The following NLN variants were observed in gnomAD, a reference collection of about 807,000 sequenced individuals.
The protein encoded by NLN is neurolysin, mitochondrial.
Under a neutral mutation model 79.9 loss-of-function variants are expected in NLN, and 64 were observed. The ratio of observed to expected loss-of-function variants is 0.80; its 90% CI spans 0.65 to 0.99. The LOEUF (loss-of-function observed/expected upper bound fraction) is 0.99, where lower values mean the gene tolerates loss of function less well. Among genes scored for constraint, NLN ranks in the 50% least tolerant of loss-of-function variants. NLN has a pLI of 0.00. For missense variants in NLN, 835 were observed against 858.7 expected, an observed-to-expected ratio of 0.97 and a Z score of 0.34; for synonymous variants, 267 against 296.6, an observed-to-expected ratio of 0.90 and a Z score of 1.02.
rs1446057687 is a variant in NLN at position 65,811,686 on chromosome 5, G to A, written c.1844-569G>A. Among the ~76,000 whole-genome samples the A allele has an allele frequency of 2.6e-5, 4 of 152,046 alleles. No individual in the cohort carries two copies. The East Asian group carries it at 7.7e-4, about 29-fold the overall frequency. On this transcript the variant is annotated intron_variant, in intron 11 of 12. Transcript: ENST00000380985. ...AAAAATATGAAAATTAGCCGGCGTG[G>A]TGGCATGCACCTGTAATCCGAGCTA...
chr5:65,745,946 G>T (rs577725215), intron 1 of NLN, among the ~76,000 whole-genome samples: 23 of 152,300 alleles, frequency 1.5e-4, no homozygotes, highest in African/African-American at 5.5e-4. Context: ...GACAGTTTTG[G>T]TTCTGGGGGC....
At position 65,788,205 on chromosome 5, in the gene NLN, G is replaced by T; in HGVS notation, c.1046G>T (p.Gly349Val). The T allele has an allele frequency of 6.2e-7, 1 of 1,614,074 alleles. No homozygotes were observed. Among genetic ancestry groups the T allele is most frequent in the Non-Finnish European group, 8.5e-7 (1 of 1,179,940 alleles). The change falls in exon 8 of 13, where the codon GGT (glycine) becomes GTT (valine). Residue 349 changes from glycine to valine, a missense_variant. Gly to Val is a moderately radical substitution (Grantham distance 109, BLOSUM62 -3). Coordinates refer to ENST00000380985, the MANE Select transcript of NLN (RefSeq NM_020726.5). ...AAGAAAAAGGAATGCAAAGACAGGG[G>T]TTTTGAATATGATGGGAAAATCAAT... ...NLKKKECKDR[G>V]FEYDGKINAW...
chr5:65,788,007 C>G (rs933948658), intron 7 of NLN, 111 bp from the exon 8 acceptor site: 1 of 1,015,868 alleles, frequency 9.8e-7, no homozygotes, highest in African/African-American at 1.6e-5. Flanking sequence ...CCTTATTTAT[C>G]TGTATTGAGT....
rs73101505 is a variant in NLN at position 65,779,704 on chromosome 5, A to G, written c.559-475A>G. 9.5e-3 allele frequency among the ~76,000 whole-genome samples: 1,449 copies of G among 152,282 alleles called. 28 individuals are homozygous for G. The highest frequency in any genetic ancestry group is 0.033 in the African/African-American group (1,390 of 41,562). The stretch of plus-strand genomic sequence containing the variant: ...TGTGTTTACTGTACCTCCTAAATTT[A>G]TTCTTCAAATTCACAACTAATTTCC... On this transcript the variant is annotated intron_variant, in intron 4 of 12. Transcript: ENST00000380985.
chr5:65,814,125 T>C (rs1263718839), intron 12 of NLN, among the ~76,000 whole-genome samples: 1 of 152,196 alleles, frequency 6.6e-6, no homozygotes, highest in Non-Finnish European at 1.5e-5. Flanking sequence ...CTCTGTTCTT[T>C]TCACAGCCTA....
intron 1 of NLN, among the ~76,000 whole-genome samples, chr5:65,749,728 C>T (rs1010342361): frequency 2.0e-5 from 3 of 152,192 alleles, no homozygotes; most frequent in Admixed American, 6.5e-5. Flanking sequence ...ACTTTTGTGA[C>T]TTCTATCTTA....
intron 3 of NLN, among the ~76,000 whole-genome samples, chr5:65,766,954 G>T (rs1759464851): frequency 6.6e-6 from 1 of 152,248 alleles, no homozygotes; most frequent in African/African-American, 2.4e-5. Context: ...TCCAAGGGGT[G>T]GGCCCCCATG....
intron 3 of NLN, among the ~76,000 whole-genome samples, chr5:65,769,697 A>G (rs1347295235): frequency 6.6e-6 from 1 of 152,216 alleles, no homozygotes; most frequent in Non-Finnish European, 1.5e-5. Context: ...AATATGACTC[A>G]TATAACCTTG....
chr5:65,825,580 CTAGA>C lies in NLN; in HGVS notation c.*2668_*2671del, dbSNP rs1329969542. On this transcript the variant is annotated 3_prime_UTR_variant, in exon 13 of 13. Coordinates refer to ENST00000380985, the MANE Select transcript of NLN (RefSeq NM_020726.5). ...CTCTAGTATAAATGTTGCATGTTAC[CTAGA>C]TAAACAACTAAAAATTGCCTTGAGT... 6.6e-6 allele frequency: 1 copy of C among 152,104 alleles called. No individual in the cohort carries two copies. The highest frequency in any genetic ancestry group is 1.5e-5 in the Non-Finnish European group (1 of 68,034). 9.4% of individuals were successfully genotyped at this position (152,104 alleles called of 1,614,324 possible).
At chr5:65,738,042 C>T (rs1005626497) in intron 1 of NLN, among the ~76,000 whole-genome samples, 7 of 151,428 alleles carry the variant, frequency 4.6e-5, no homozygotes, top group Admixed American at 2.0e-4. Context: ...GTAGGAGGAT[C>T]GCTTGCACCT....
At chr5:65,810,239 G>A (rs1041432086) in intron 11 of NLN, 74 bp downstream of exon 11, 2 of 1,317,758 alleles carry the variant, frequency 1.5e-6, no homozygotes, top group Admixed American at 3.7e-5. Context: ...CAGGGGAGAT[G>A]GAGTTTGTCA....
In NLN at chr5:65,726,073, C is replaced by T. The variant is rs557341177; in HGVS notation, c.41+3659C>T. Among the ~76,000 whole-genome samples the T allele has an allele frequency of 2.2e-4, 33 of 148,964 alleles. No individual in the cohort carries two copies. The South Asian group carries it at 6.5e-3, about 29-fold the overall frequency. The stretch of plus-strand genomic sequence containing the variant: ...TTTGCAGTGCGCCGAGATTGTGCCA[C>T]TGCACTCCAGCCTGGGCGACAGAGC... On this transcript the variant is annotated intron_variant, in intron 1 of 12. Coordinates refer to ENST00000380985, the MANE Select transcript of NLN (RefSeq NM_020726.5).
rs1303317353 is a variant in NLN at position 65,825,551 on chromosome 5, C to G, written c.*2636C>G. 5.9e-5 allele frequency: 9 copies of G among 152,078 alleles called. No homozygotes were observed. Among genetic ancestry groups the G allele is most frequent in the Admixed American group, 5.9e-4 (9 of 15,248 alleles). The allele number at this position is 152,078 out of a possible 1,614,324, so 9.4% of individuals were successfully genotyped here. On this transcript the variant is annotated 3_prime_UTR_variant, in exon 13 of 13. Transcript: ENST00000380985. ...TTTTGCCACCTGATGTAGACTTTGTCCCCCTCTAGTATAAATGTTGCATGT... is the reference window on the plus strand; with the variant it reads ...TTTTGCCACCTGATGTAGACTTTGTGCCCCTCTAGTATAAATGTTGCATGT...
chr5:65,784,272 A>G (rs1306667306), intron 6 of NLN, among the ~76,000 whole-genome samples: 1 of 124,348 alleles, frequency 8.0e-6, no homozygotes, highest in East Asian at 3.4e-4. Context: ...TGCTAAGAAA[A>G]TAATAAAATA....
chr5:65,780,508 C>T (rs1759777218), intron 5 of NLN, among the ~76,000 whole-genome samples: 1 of 151,870 alleles, frequency 6.6e-6, no homozygotes, highest in African/African-American at 2.4e-5. Flanking sequence ...TAGAGACAGT[C>T]CAGAGGGGAC....
At chr5:65,743,947 AC>A in intron 1 of NLN, among the ~76,000 whole-genome samples, 1 of 152,334 alleles carries the variant, frequency 6.6e-6, no homozygotes, top group East Asian at 1.9e-4. Flanking sequence ...TTTAGAAGTT[AC>A]ATCCTCATTG....
At chr5:65,759,750 C>T (rs369738597) in intron 2 of NLN, among the ~76,000 whole-genome samples, 5 of 152,190 alleles carry the variant, frequency 3.3e-5, no homozygotes, top group South Asian at 2.1e-4. Flanking sequence ...ATCACTCTAA[C>T]GTTAATATCA....
In NLN at chr5:65,722,234, G is replaced by A. The variant is rs1018398042; in HGVS notation, c.-140G>A. 4.3e-5 allele frequency: 20 copies of A among 464,388 alleles called. No individual in the cohort carries two copies. Among genetic ancestry groups the A allele is most frequent in the Non-Finnish European group, 7.1e-5 (20 of 280,614 alleles). 28.8% of individuals were successfully genotyped at this position (464,388 alleles called of 1,614,324 possible). The stretch of plus-strand genomic sequence containing the variant: ...GCCGGCGTGGAGCTGCCGCACGTGG[G>A]AGGGCGCTGGCCAGGCAGCCACTGT... On this transcript the variant is annotated 5_prime_UTR_variant, in exon 1 of 13. Transcript: ENST00000380985.
chr5:65,780,742 C>T (rs1421307945), intron 5 of NLN, among the ~76,000 whole-genome samples: 2 of 152,122 alleles, frequency 1.3e-5, no homozygotes, highest in African/African-American at 2.4e-5. Context: ...GGCGCAATCT[C>T]GCCTCACTGC....
Sources: allele counts gnomAD v4.1 joint callset (sites outside exome capture counted in the v4.1 genomes callset), GRCh38; gene constraint gnomAD v4.1.1; transcripts MANE v1.5; gene names NCBI Gene and HGNC (gene_info 2026-07-23, HGNC 2026-07-21).